The following ABCG5 variants were observed in gnomAD, a reference collection of about 807,000 sequenced individuals.
ABCG5 encodes ATP-binding cassette sub-family G member 5.
In ABCG5, 64 loss-of-function variants were observed where a neutral mutation model predicts 64.5. The observed-to-expected ratio is 0.99, with a 90% CI of 0.81 to 1.22. ABCG5 has a LOEUF of 1.22. Among genes scored for constraint, ABCG5 ranks in the 50% most tolerant of loss-of-function variants. ABCG5 has a pLI of 0.00. For synonymous variants in ABCG5, 385 were observed against 326.3 expected, an observed-to-expected ratio of 1.18 and a Z score of -1.94; for missense variants, 908 against 829.5, an observed-to-expected ratio of 1.09 and a Z score of -1.16.
chr2:43,824,348 T>A lies in ABCG5; in HGVS notation c.989A>T (p.Lys330Met). The change falls in exon 8 of 13, where the codon AAG becomes ATG. Residue 330 changes from lysine to methionine, a missense_variant. By Grantham distance (95) the Lys-to-Met change is moderately conservative. Coordinates refer to ENST00000405322, the MANE Select transcript of ABCG5 (RefSeq NM_022436.3). ...AGTTTTATGACAAATTGCTGATTTC[T>A]TGTAGGCAGATTCTATCATCTGGAC... The part of the protein sequence containing the change: ...KRVQMIESAY[K>M]KSAICHKTLK... The A allele has an allele frequency of 6.2e-7, 1 of 1,614,236 alleles. No individual in the cohort carries two copies. The highest frequency in any genetic ancestry group is 1.1e-5 in the South Asian group (1 of 91,084).
chr2:43,826,163 T>TTTC (rs1029899134), intron 6 of ABCG5, among the ~76,000 whole-genome samples: 8 of 150,856 alleles, frequency 5.3e-5, no homozygotes, highest in African/African-American at 1.7e-4. Flanking sequence ...TCTTTCTTTC[T>TTTC]TTCTTTTTTT....
intron 11 of ABCG5, among the ~76,000 whole-genome samples, chr2:43,819,196 C>T (rs1040477014): frequency 6.6e-6 from 1 of 152,110 alleles, no homozygotes; most frequent in African/African-American, 2.4e-5. Context: ...AGATTACTTA[C>T]TAGATCCCAC....
chr2:43,837,088 A>C (rs1668319400), intron 2 of ABCG5, among the ~76,000 whole-genome samples: 1 of 151,280 alleles, frequency 6.6e-6, no homozygotes. Context: ...GCCCGATGTT[A>C]ATACATGAAC....
At chr2:43,809,021 C>G (rs1025176303), downstream of ABCG5, among the ~76,000 whole-genome samples, 2 of 152,044 alleles carry the variant, frequency 1.3e-5, no homozygotes, top group Admixed American at 1.3e-4. Flanking sequence ...CAGGATCTCA[C>G]TCTGTCACCC....
intron 9 of ABCG5, among the ~76,000 whole-genome samples, chr2:43,823,380 G>A (rs1318595444): frequency 6.9e-6 from 1 of 144,316 alleles, no homozygotes; most frequent in Non-Finnish European, 1.5e-5. Context: ...CTCATGTCAA[G>A]CTCTAGAGCA....
rs991927282 is a variant in ABCG5 at position 43,838,345 on chromosome 2, G to A, written c.143+192C>T. On this transcript the variant is annotated intron_variant, in intron 1 of 12. Coordinates refer to ENST00000405322, the MANE Select transcript of ABCG5 (RefSeq NM_022436.3). The surrounding 1 kb of genome is among the most constrained non-coding windows in gnomAD (Gnocchi z 4.2). ...ATGCCCAGGCCCTTCCCTGGGCAGG[G>A]GGAGGGGCCATTCACTGTCGCTCCA... 6 of 635,740 alleles carry A rather than the reference G, an allele frequency of 9.4e-6. No individual in the cohort carries two copies. Among genetic ancestry groups the A allele is most frequent in the Middle Eastern group, 4.2e-4 (1 of 2,374 alleles). 39.4% of individuals were successfully genotyped at this position (635,740 alleles called of 1,614,324 possible).
chr2:43,815,939 C>CA (rs1269604374), intron 11 of ABCG5, among the ~76,000 whole-genome samples: 1 of 144,950 alleles, frequency 6.9e-6, no homozygotes, highest in Admixed American at 6.9e-5. Flanking sequence ...GACCAGACTA[C>CA]AAAAAAAGTT....
At chr2:43,829,225 C>CCTGTT (rs1667819800) in intron 4 of ABCG5, among the ~76,000 whole-genome samples, 2 of 152,142 alleles carry the variant, frequency 1.3e-5, no homozygotes, top group African/African-American at 4.8e-5. Context: ...AAAATCCAAC[C>CCTGTT]TGATTTGAAC....
At chr2:43,819,797 A>G (rs1355650827) in intron 11 of ABCG5, 118 bp downstream of exon 11, 10 of 1,089,296 alleles carry the variant, frequency 9.2e-6, no homozygotes, top group Non-Finnish European at 9.7e-6. Flanking sequence ...GCTCTAGACT[A>G]TAAGGTAATA....
chr2:43,818,061 ATTGTTGAATATTTAATGTAAT>A (rs1340901108), intron 11 of ABCG5, among the ~76,000 whole-genome samples: 2 of 152,222 alleles, frequency 1.3e-5, no homozygotes, highest in East Asian at 1.9e-4. Flanking sequence ...TTTATAATAA[ATTGTTGAATATTTAATGTAAT>A]TTGTTGAATA....
At chr2:43,838,961 C>T, upstream of ABCG5, 1 of 1,407,644 alleles carries the variant, frequency 7.1e-7, no homozygotes, top group African/African-American at 1.4e-5. This position sits in a 1 kb window ranked among gnomAD's most constrained non-coding sequence, Gnocchi z 4.2. Flanking sequence ...CGAGGTGTCC[C>T]TGCTCCAGGA....
At chr2:43,807,700 T>A (rs1666314942), downstream of ABCG5, among the ~76,000 whole-genome samples, 1 of 122,302 alleles carries the variant, frequency 8.2e-6, no homozygotes, top group Admixed American at 1.2e-4. Flanking sequence ...ATTACAGGCA[T>A]GAGCCACTGT....
Position 43,813,132 on chromosome 2 carries a change from T to C in ABCG5, c.1940A>G (p.His647Arg). ...LGIVVFKIRD[H>R]LISR ...TGGCTTTCACTACCTGCTAATGAGA[T>C]GATCCCTTATTTTGAAAACAACTAT... The change falls in exon 13 of 13, where the codon CAT becomes CGT. Residue 647 changes from histidine to arginine, a missense_variant. Transcript: ENST00000405322. 1 of 1,296,498 alleles carries C rather than the reference T, an allele frequency of 7.7e-7. No individual in the cohort carries two copies. Among genetic ancestry groups the C allele is most frequent in the Admixed American group, 1.7e-5 (1 of 59,610 alleles). The allele number at this position is 1,296,498 out of a possible 1,614,324, so 80.3% of individuals were successfully genotyped here.
chr2:43,820,492 C>G (rs566738809), intron 10 of ABCG5, among the ~76,000 whole-genome samples: 1 of 152,120 alleles, frequency 6.6e-6, no homozygotes, highest in Admixed American at 6.5e-5. Flanking sequence ...CTCACCCAAC[C>G]CGCTTCCCAG....
intron 4 of ABCG5, among the ~76,000 whole-genome samples, chr2:43,830,264 G>A (rs926296050): frequency 9.9e-5 from 15 of 152,244 alleles, no homozygotes; most frequent in Non-Finnish European, 2.9e-5. Flanking sequence ...GGACTATTGG[G>A]ATGAGCAAGT....
At chr2:43,827,816 T>C (rs1390708713) in intron 5 of ABCG5, among the ~76,000 whole-genome samples, 167 bp downstream of exon 5, 1 of 152,212 alleles carries the variant, frequency 6.6e-6, no homozygotes, top group Non-Finnish European at 1.5e-5. Context: ...GGAAATGAAC[T>C]GTACAGCATT....
chr2:43,809,854 A>G, downstream of ABCG5: 1 of 1,505,382 alleles, frequency 6.6e-7, no homozygotes, highest in Non-Finnish European at 8.9e-7. Flanking sequence ...GCAATATGTG[A>G]AGAAAGTTAA....
intron 11 of ABCG5, among the ~76,000 whole-genome samples, chr2:43,817,503 A>C (rs775160261): frequency 6.6e-6 from 1 of 151,676 alleles, no homozygotes; most frequent in Admixed American, 6.6e-5. Flanking sequence ...AACAAACAAA[A>C]ATAAAAATAA....
chr2:43,836,161 G>A (rs574908315), intron 2 of ABCG5, among the ~76,000 whole-genome samples: 14 of 151,928 alleles, frequency 9.2e-5, no homozygotes, highest in Admixed American at 8.5e-4. Flanking sequence ...GGCTGGTCTC[G>A]AATTCCTGAC....
Sources: allele counts gnomAD v4.1 joint callset (sites outside exome capture counted in the v4.1 genomes callset), GRCh38; gene constraint gnomAD v4.1.1; non-coding constraint Gnocchi (gnomAD v3.1); transcripts MANE v1.5; gene names NCBI Gene and HGNC (gene_info 2026-07-23, HGNC 2026-07-21).